The following BBS7 variants were observed in gnomAD, a reference collection of about 807,000 sequenced individuals.
BBS7 encodes the protein BBSome complex member BBS7.
Under a neutral mutation model 90.3 loss-of-function variants are expected in BBS7, and 50 were observed. The observed-to-expected ratio is 0.55, with a 90% CI of 0.44 to 0.70. The LOEUF (loss-of-function observed/expected upper bound fraction) is 0.70, where lower values mean the gene tolerates loss of function less well. BBS7 is among the 30% of genes least tolerant of loss of function. The pLI is 0.00. For synonymous variants in BBS7, 235 were observed against 287.4 expected, an observed-to-expected ratio of 0.82 and a Z score of 1.85; for missense variants, 729 against 838.9, an observed-to-expected ratio of 0.87 and a Z score of 1.62.
chr4:121,866,463 C>T (rs1397816377), intron 2 of BBS7, among the ~76,000 whole-genome samples: 2 of 152,066 alleles, frequency 1.3e-5, no homozygotes, highest in African/African-American at 2.4e-5. Context: ...TAGGGTTTCA[C>T]CATGTTGGCC....
chr4:121,851,709 TA>T (rs1474059108), intron 8 of BBS7, among the ~76,000 whole-genome samples: 2 of 152,244 alleles, frequency 1.3e-5, no homozygotes, highest in Non-Finnish European at 2.9e-5. Context: ...CTTTTTTGAT[TA>T]ATCAACCATC....
At chr4:121,829,946 G>A (rs987899072) in intron 15 of BBS7, among the ~76,000 whole-genome samples, 1 of 152,180 alleles carries the variant, frequency 6.6e-6, no homozygotes, top group Non-Finnish European at 1.5e-5. Flanking sequence ...TATGTGAGCC[G>A]ATAAATTTAT....
At chr4:121,845,395 A>AAAATAT (rs1725955559) in intron 11 of BBS7, 109 bp downstream of exon 11, 1 of 624,124 alleles carries the variant, frequency 1.6e-6, no homozygotes, top group South Asian at 3.2e-5. Context: ...AATAAAAATA[A>AAAATAT]AATAAAATTA....
intron 15 of BBS7, 124 bp from the exon 16 acceptor site, chr4:121,828,852 A>G (rs1161239338): frequency 7.1e-6 from 4 of 564,870 alleles, no homozygotes; most frequent in South Asian, 3.0e-5. Flanking sequence ...CTGTATACAT[A>G]TATCATTAAT....
intron 4 of BBS7, 156 bp downstream of exon 4, chr4:121,861,348 T>C: frequency 1.4e-6 from 1 of 694,874 alleles, no homozygotes; most frequent in East Asian, 2.8e-5. Flanking sequence ...AATTTAATAT[T>C]GATTGTAGGT....
chr4:121,834,007 T>C (rs13119055), intron 14 of BBS7, among the ~76,000 whole-genome samples: 45,614 of 152,036 alleles, frequency 0.3, 8,356 homozygotes, highest in East Asian at 0.44. Context: ...TCTGTGCCAT[T>C]GGACAACTTA....
In BBS7 at chr4:121,848,863, G is replaced by A. The variant is rs776811172; in HGVS notation, c.915C>T (p.Ile305=). The A allele has an allele frequency of 9.3e-6, 15 of 1,613,352 alleles. No homozygotes were observed. The highest frequency in any genetic ancestry group is 2.2e-5 in the South Asian group (2 of 91,066). The part of the protein sequence containing the change: ...GCVGKDSYDE[I]VVSTYSGWVT... Reference sequence around the variant, plus strand: ...CTTTACCTGAATATGTGGACACCACGATTTCATCATAGCTGTCTTTTCCTA... The same window carrying A: ...CTTTACCTGAATATGTGGACACCACAATTTCATCATAGCTGTCTTTTCCTA... Residue 305 remains isoleucine (I), a synonymous_variant, in exon 9 of 19, where the codon ATC becomes ATT. Transcript: ENST00000264499.
At chr4:121,848,002 A>G (rs1384519456) in intron 9 of BBS7, among the ~76,000 whole-genome samples, 1 of 152,178 alleles carries the variant, frequency 6.6e-6, no homozygotes, top group East Asian at 1.9e-4. Context: ...ACATAAAATA[A>G]ATCTCAATAA....
chr4:121,853,070 G>A lies in BBS7; in HGVS notation c.735C>T (p.Asp245=). 6.2e-7 allele frequency: 1 copy of A among 1,613,138 alleles called. No homozygotes were observed. Among genetic ancestry groups the A allele is most frequent in the South Asian group, 1.1e-5 (1 of 91,048 alleles). Residue 245 remains aspartate, a synonymous_variant, in exon 8 of 19, where the codon GAC becomes GAT. Coordinates refer to ENST00000264499, the MANE Select transcript of BBS7 (RefSeq NM_176824.3). The stretch of plus-strand genomic sequence containing the variant: ...CCCCATCACCCACAATGTCAAAGCT[G>A]TCAATACACAAAATACCTTTAAAAA... ...EKKRGGILCI[D]SFDIVGDGVK...
chr4:121,841,705 T>G (rs879546584), intron 12 of BBS7, among the ~76,000 whole-genome samples: 6 of 152,192 alleles, frequency 3.9e-5, no homozygotes, highest in Admixed American at 6.5e-5. Flanking sequence ...AAATATATTT[T>G]AAATTAGTAT....
intron 18 of BBS7, among the ~76,000 whole-genome samples, chr4:121,826,853 G>A (rs1414343364): frequency 6.6e-6 from 1 of 152,022 alleles, no homozygotes; most frequent in Non-Finnish European, 1.5e-5. Context: ...GCATGGTGGC[G>A]CACACCTGTA....
chr4:121,862,182 T>G (rs1032923603), intron 3 of BBS7, among the ~76,000 whole-genome samples: 4 of 152,188 alleles, frequency 2.6e-5, no homozygotes, highest in African/African-American at 9.7e-5. Context: ...CTTTACAATT[T>G]TTATAAATTT....
At chr4:121,830,976 G>C (rs1725149298) in intron 15 of BBS7, among the ~76,000 whole-genome samples, 1 of 152,198 alleles carries the variant, frequency 6.6e-6, no homozygotes, top group Admixed American at 6.5e-5. Flanking sequence ...GGGAGGCTGA[G>C]GCAGGCAGAT....
intron 7 of BBS7, 134 bp from the exon 8 acceptor site, chr4:121,853,220 C>T (rs1297113616): frequency 2.5e-6 from 2 of 814,308 alleles, no homozygotes; most frequent in South Asian, 1.6e-5. Context: ...AAATCAAGTG[C>T]TCTTCTCTTG....
At chr4:121,831,343 A>T (rs1313721415) in intron 15 of BBS7, among the ~76,000 whole-genome samples, 3 of 152,134 alleles carry the variant, frequency 2.0e-5, no homozygotes, top group Non-Finnish European at 2.9e-5. Flanking sequence ...TCAAAAATGT[A>T]GCTACTGCAG....
At chr4:121,861,314 T>A in intron 4 of BBS7, 190 bp downstream of exon 4, 1 of 545,948 alleles carries the variant, frequency 1.8e-6, no homozygotes, top group Non-Finnish European at 3.1e-6. Context: ...TACTATAAAG[T>A]TCTTTAAAAA....
intron 18 of BBS7, chr4:121,827,886 T>C (rs1447836359): frequency 1.7e-6 from 2 of 1,173,588 alleles, no homozygotes; most frequent in Non-Finnish European, 2.1e-6. Context: ...TGTTCATATA[T>C]ATAGATTAAT....
intron 13 of BBS7, among the ~76,000 whole-genome samples, chr4:121,836,244 A>G (rs1222197062): frequency 6.6e-6 from 1 of 152,194 alleles, no homozygotes; most frequent in Admixed American, 6.5e-5. Flanking sequence ...ATCATTTCAC[A>G]TGACTAAGTT....
chr4:121,862,898 T>G (rs1727060482), intron 3 of BBS7, among the ~76,000 whole-genome samples: 1 of 152,196 alleles, frequency 6.6e-6, no homozygotes, highest in Non-Finnish European at 1.5e-5. Context: ...ATTGCAGCTG[T>G]GTGAAACCTT....
Sources: allele counts gnomAD v4.1 joint callset (sites outside exome capture counted in the v4.1 genomes callset), GRCh38; gene constraint gnomAD v4.1.1; transcripts MANE v1.5; gene names NCBI Gene and HGNC (gene_info 2026-07-23, HGNC 2026-07-21).